The following GRID1 variants were observed in gnomAD, a reference collection of about 807,000 sequenced individuals.
The protein encoded by GRID1 is glutamate ionotropic receptor delta type subunit 1.
GRID1 carries 28 observed loss-of-function variants against 98.0 expected under a neutral mutation model. That is an observed-to-expected ratio of 0.29 (90% CI 0.21 to 0.39). GRID1 has a LOEUF of 0.39. Ranked by LOEUF, GRID1 falls within the 10% of genes least tolerant of loss-of-function variation. The pLI, the probability that GRID1 is intolerant of heterozygous loss-of-function variation, is 1.00. For synonymous variants in GRID1, 553 were observed against 538.5 expected (o/e 1.03, Z -0.37); for missense variants, 1,111 against 1,340.5 (o/e 0.83, Z 2.67).
At chr10:85,929,445 G>C (rs1483376573) in intron 4 of GRID1, among the ~76,000 whole-genome samples, 1 of 152,156 alleles carries the variant, frequency 6.6e-6, no homozygotes, top group Non-Finnish European at 1.5e-5. Context: ...TCTGTGAGTT[G>C]ACCAGTGTCA....
At chr10:85,620,298 G>A (rs1382972178) in intron 13 of GRID1, among the ~76,000 whole-genome samples, 1 of 152,180 alleles carries the variant, frequency 6.6e-6, no homozygotes, top group Non-Finnish European at 1.5e-5. Context: ...AGCTAGAGGT[G>A]GGCTCTAAGA....
chr10:85,602,821 A>G (rs1262365475), intron 15 of GRID1, 120 bp from the exon 16 acceptor site: 2 of 680,390 alleles, frequency 2.9e-6, no homozygotes, highest in Non-Finnish European at 5.0e-6. Context: ...GTGGGCGAGT[A>G]TCCCTTTCAT....
intron 8 of GRID1, among the ~76,000 whole-genome samples, chr10:85,844,845 TTATA>T (rs1422353696): frequency 1.3e-5 from 2 of 151,948 alleles, no homozygotes; most frequent in Non-Finnish European, 2.9e-5. Flanking sequence ...AGAATAAAAA[TTATA>T]TAATTATCTT....
chr10:86,180,941 G>A (rs1046607780), intron 3 of GRID1, among the ~76,000 whole-genome samples: 1 of 152,222 alleles, frequency 6.6e-6, no homozygotes, highest in African/African-American at 2.4e-5. Flanking sequence ...ACCTGGAGGG[G>A]CAGAGATGGT....
At chr10:85,668,083 G>A (rs1235598228) in intron 12 of GRID1, among the ~76,000 whole-genome samples, 1 of 152,188 alleles carries the variant, frequency 6.6e-6, no homozygotes, top group Non-Finnish European at 1.5e-5. Flanking sequence ...ATGAGATAAG[G>A]TGCATTAGCC....
chr10:85,633,235 A>G (rs1842995444), intron 13 of GRID1, among the ~76,000 whole-genome samples: 1 of 152,100 alleles, frequency 6.6e-6, no homozygotes, highest in Non-Finnish European at 1.5e-5. Flanking sequence ...TGGCTCTTTC[A>G]CATCACTTCT....
intron 4 of GRID1, among the ~76,000 whole-genome samples, chr10:86,034,228 T>C (rs917717325): frequency 2.0e-5 from 3 of 152,120 alleles, no homozygotes; most frequent in Non-Finnish European, 4.4e-5. Flanking sequence ...TAATGCTGAA[T>C]TGAGAGTGTT....
chr10:85,944,935 G>A (rs957954970), intron 4 of GRID1, among the ~76,000 whole-genome samples: 12 of 152,052 alleles, frequency 7.9e-5, no homozygotes, highest in African/African-American at 1.2e-4. Context: ...ATACTGACAT[G>A]TTTTCATTTT....
intron 4 of GRID1, among the ~76,000 whole-genome samples, chr10:86,069,623 G>C (rs1349866601): frequency 6.6e-6 from 1 of 152,108 alleles, no homozygotes; most frequent in East Asian, 1.9e-4. Context: ...ACTCTAGCCT[G>C]GGAGACAGAG....
chr10:86,134,224 G>A (rs929109484), intron 4 of GRID1, among the ~76,000 whole-genome samples: 1 of 152,238 alleles, frequency 6.6e-6, no homozygotes, highest in Admixed American at 6.5e-5. Flanking sequence ...AGCCAGTCTT[G>A]GAGAGGAGGA....
intron 2 of GRID1, among the ~76,000 whole-genome samples, chr10:86,341,652 G>A (rs1297875385): frequency 1.3e-5 from 2 of 152,094 alleles, no homozygotes; most frequent in African/African-American, 4.8e-5. Context: ...TTCACAACAC[G>A]TAGTCTCTTG....
intron 4 of GRID1, among the ~76,000 whole-genome samples, chr10:86,061,999 T>A (rs369051145): frequency 6.6e-6 from 1 of 152,282 alleles, no homozygotes; most frequent in East Asian, 1.9e-4. Flanking sequence ...GACACCCCTA[T>A]GGACATCAGA....
At chr10:86,009,471 G>T (rs913278762) in intron 4 of GRID1, among the ~76,000 whole-genome samples, 33 of 152,310 alleles carry the variant, frequency 2.2e-4, no homozygotes, top group African/African-American at 7.9e-4. Flanking sequence ...ATTTGGGAAG[G>T]AAATGGCTTC....
chr10:86,218,404 G>A (rs1846206464), intron 2 of GRID1, among the ~76,000 whole-genome samples: 1 of 152,116 alleles, frequency 6.6e-6, no homozygotes. Context: ...GATTCATGCA[G>A]CAGGAGCAAA....
chr10:85,640,507 T>C (rs950950078), intron 13 of GRID1, among the ~76,000 whole-genome samples: 7 of 152,204 alleles, frequency 4.6e-5, no homozygotes, highest in Non-Finnish European at 8.8e-5. Context: ...TGCCCACCCA[T>C]ATAAGCCTCG....
intron 4 of GRID1, among the ~76,000 whole-genome samples, chr10:85,921,352 C>G (rs1055927528): frequency 5.3e-5 from 8 of 152,200 alleles, no homozygotes; most frequent in African/African-American, 9.7e-5. Context: ...TCTGGGGAGC[C>G]GACTGTGGAA....
At chr10:85,762,357 T>C (rs1240332789) in intron 8 of GRID1, among the ~76,000 whole-genome samples, 1 of 152,250 alleles carries the variant, frequency 6.6e-6, no homozygotes, top group African/African-American at 2.4e-5. Flanking sequence ...TTTCAAATAA[T>C]GTAATTTATA....
chr10:86,044,313 C>T (rs564912090), intron 4 of GRID1, among the ~76,000 whole-genome samples: 32 of 152,344 alleles, frequency 2.1e-4, no homozygotes, highest in Middle Eastern at 3.4e-3. Flanking sequence ...GCTTGCTAAT[C>T]ATAGCACATA....
intron 2 of GRID1, among the ~76,000 whole-genome samples, chr10:86,342,461 T>C (rs1225199244): frequency 6.6e-6 from 1 of 152,200 alleles, no homozygotes; most frequent in African/African-American, 2.4e-5. Flanking sequence ...CCAAGGTCTG[T>C]CAAGCCTCAG....
Sources: allele counts gnomAD v4.1 joint callset (sites outside exome capture counted in the v4.1 genomes callset), GRCh38; gene constraint gnomAD v4.1.1; transcripts MANE v1.5; gene names NCBI Gene and HGNC (gene_info 2026-07-23, HGNC 2026-07-21).